The following PTPRD variants were observed in gnomAD, a reference collection of about 807,000 sequenced individuals.
PTPRD encodes the protein protein tyrosine phosphatase receptor type D, also known as receptor-type tyrosine-protein phosphatase delta.
In PTPRD, 34 loss-of-function variants were observed where a neutral mutation model predicts 214.5. That is an observed-to-expected ratio of 0.16 (90% CI 0.12 to 0.21). PTPRD has a LOEUF of 0.21. Ranked by LOEUF, PTPRD falls within the 10% of genes least tolerant of loss-of-function variation. PTPRD has a pLI of 1.00. For synonymous variants in PTPRD, 1,128 were observed against 845.7 expected (o/e 1.33, Z -5.79); for missense variants, 2,545 against 2,398.7 (o/e 1.06, Z -1.27).
In PTPRD at chr9:10,296,754, TCA is replaced by T. The variant is rs752233715; in HGVS notation, c.-545+44207_-545+44208del. Among the ~76,000 whole-genome samples, 10 of 152,178 alleles carry T rather than the reference TCA, an allele frequency of 6.6e-5. No homozygotes were observed. The East Asian group carries it at 1.7e-3, about 26-fold the overall frequency. ...AAGTAGCTCAGCCTCTGCACAATCC[TCA>T]GTTTACTGTAGTGAAATTCCAGGCA... On this transcript the variant is annotated intron_variant, in intron 3 of 45. Transcript: ENST00000381196.
At chr9:9,324,452 A>AT in intron 9 of PTPRD, among the ~76,000 whole-genome samples, 1 of 152,100 alleles carries the variant, frequency 6.6e-6, no homozygotes, top group South Asian at 2.1e-4. Flanking sequence ...GATGATGAGC[A>AT]TTTTTTCATG....
chr9:8,717,592 C>T (rs1029156411), intron 12 of PTPRD, among the ~76,000 whole-genome samples: 1 of 152,206 alleles, frequency 6.6e-6, no homozygotes, highest in African/African-American at 2.4e-5. Flanking sequence ...AAAACTTTCA[C>T]TGGGTTCCCT....
At chr9:8,635,313 ACTTCT>A (rs1007914469) in intron 13 of PTPRD, among the ~76,000 whole-genome samples, 12 of 151,584 alleles carry the variant, frequency 7.9e-5, no homozygotes, top group African/African-American at 2.9e-4. Context: ...GTGATGTCAA[ACTTCT>A]CTTTGACAAA....
At chr9:8,428,342 T>G (rs1011153474) in intron 35 of PTPRD, among the ~76,000 whole-genome samples, 1 of 152,198 alleles carries the variant, frequency 6.6e-6, no homozygotes, top group African/African-American at 2.4e-5. Context: ...AATTTAGCCA[T>G]TCATCTTCCT....
At chr9:8,747,126 T>C (rs183057466) in intron 11 of PTPRD, among the ~76,000 whole-genome samples, 88 of 152,310 alleles carry the variant, frequency 5.8e-4, no homozygotes, top group African/African-American at 1.9e-3. Context: ...AAACTGAATA[T>C]AGACTGACCC....
intron 3 of PTPRD, among the ~76,000 whole-genome samples, chr9:10,293,439 T>G (rs2095587455): frequency 6.6e-6 from 1 of 151,952 alleles, no homozygotes; most frequent in Non-Finnish European, 1.5e-5. Flanking sequence ...GCATTTGATA[T>G]TATTTACTGT....
intron 5 of PTPRD, among the ~76,000 whole-genome samples, chr9:9,842,720 C>G (rs2058633570): frequency 6.7e-6 from 1 of 150,328 alleles, no homozygotes; most frequent in African/African-American, 2.4e-5. Flanking sequence ...TTGGCTTTAC[C>G]TTGGACAGGA....
At chr9:10,145,905 C>G (rs1284175346) in intron 3 of PTPRD, among the ~76,000 whole-genome samples, 1 of 151,308 alleles carries the variant, frequency 6.6e-6, no homozygotes, top group East Asian at 1.9e-4. Flanking sequence ...TTTGTTGAAA[C>G]CAATATAAAA....
intron 11 of PTPRD, among the ~76,000 whole-genome samples, chr9:8,941,242 C>G (rs1031288691): frequency 3.3e-5 from 5 of 152,184 alleles, no homozygotes; most frequent in African/African-American, 9.6e-5. Context: ...AATAAGGAAG[C>G]ATTTACTAAA....
At chr9:10,474,450 T>C (rs1056416286) in intron 2 of PTPRD, among the ~76,000 whole-genome samples, 1 of 152,010 alleles carries the variant, frequency 6.6e-6, no homozygotes, top group Non-Finnish European at 1.5e-5. Flanking sequence ...CTATCCTAAA[T>C]ATGTATGCAC....
intron 11 of PTPRD, among the ~76,000 whole-genome samples, chr9:8,889,273 A>G (rs1214390002): frequency 6.6e-6 from 1 of 152,088 alleles, no homozygotes; most frequent in Non-Finnish European, 1.5e-5. Flanking sequence ...AGAATGAGAG[A>G]GAGTAGAGAG....
At chr9:9,726,332 G>A (rs1485095027) in intron 7 of PTPRD, among the ~76,000 whole-genome samples, 1 of 152,118 alleles carries the variant, frequency 6.6e-6, no homozygotes, top group Non-Finnish European at 1.5e-5. Flanking sequence ...AGGCTGTAAG[G>A]GGTATCTCAG....
intron 11 of PTPRD, among the ~76,000 whole-genome samples, chr9:8,796,198 G>A (rs2096415861): frequency 1.3e-5 from 2 of 152,074 alleles, no homozygotes; most frequent in African/African-American, 4.8e-5. Flanking sequence ...TAGATGAAGG[G>A]ATAATTAGAG....
intron 9 of PTPRD, among the ~76,000 whole-genome samples, chr9:9,256,382 T>A (rs1158600514): frequency 6.6e-6 from 1 of 152,066 alleles, no homozygotes; most frequent in African/African-American, 2.4e-5. Flanking sequence ...TCTGATAATA[T>A]CTGCATTTTG....
At chr9:8,444,903 T>A (rs2095666629) in intron 34 of PTPRD, among the ~76,000 whole-genome samples, 1 of 152,192 alleles carries the variant, frequency 6.6e-6, no homozygotes. Context: ...CCCATCCTAG[T>A]GCGCACCCAG....
chr9:8,494,007 G>GAC (rs761859777), intron 26 of PTPRD, among the ~76,000 whole-genome samples: 8,750 of 91,530 alleles, frequency 0.096, 279 homozygotes, highest in Non-Finnish European at 0.13. Context: ...CAGACACACA[G>GAC]ACACACACAC....
intron 10 of PTPRD, among the ~76,000 whole-genome samples, chr9:9,132,095 C>T (rs989964132): frequency 5.3e-5 from 8 of 152,148 alleles, no homozygotes; most frequent in African/African-American, 1.9e-4. Context: ...GTAAGCTCCG[C>T]CTCCCGGGTT....
intron 9 of PTPRD, among the ~76,000 whole-genome samples, chr9:9,331,974 C>T (rs919374946): frequency 6.6e-6 from 1 of 152,018 alleles, no homozygotes; most frequent in African/African-American, 2.4e-5. Flanking sequence ...ATCCCCCCAC[C>T]TCTTTTTCTC....
intron 14 of PTPRD, among the ~76,000 whole-genome samples, chr9:8,573,212 T>A (rs887646594): frequency 1.3e-5 from 2 of 152,010 alleles, no homozygotes; most frequent in African/African-American, 4.8e-5. Context: ...GTGCTGATAA[T>A]ACGTTCCAAA....
Sources: allele counts gnomAD v4.1 joint callset (sites outside exome capture counted in the v4.1 genomes callset), GRCh38; gene constraint gnomAD v4.1.1; transcripts MANE v1.5; gene names NCBI Gene and HGNC (gene_info 2026-07-23, HGNC 2026-07-21).